The following UNC79 variants were observed in gnomAD, a reference collection of about 807,000 sequenced individuals.
UNC79 encodes protein unc-79 homolog.
In UNC79, 37 loss-of-function variants were observed where a neutral mutation model predicts 283.1. The observed-to-expected ratio is 0.13, with a 90% CI of 0.10 to 0.17. UNC79 has a LOEUF of 0.17. UNC79 is among the 10% of genes least tolerant of loss of function. The pLI, the probability that UNC79 is intolerant of heterozygous loss-of-function variation, is 1.00. For missense variants in UNC79, 2,272 were observed against 3,211.1 expected, an observed-to-expected ratio of 0.71 and a Z score of 7.07; for synonymous variants, 1,107 against 1,200.2, an observed-to-expected ratio of 0.92 and a Z score of 1.61.
At chr14:93,483,856 A>G (rs2058272397) in intron 4 of UNC79, among the ~76,000 whole-genome samples, 1 of 152,182 alleles carries the variant, frequency 6.6e-6, no homozygotes, top group African/African-American at 2.4e-5. Flanking sequence ...ATGTCCCTAC[A>G]AAGGGCATGA....
Position 93,590,780 on chromosome 14 carries a change from T to C in UNC79, c.3033-2900T>C, listed in dbSNP as rs118160875. ...GGAAAGGCGAATGGGACTGGCCGAA[T>C]CTTGGGCTTTGTCATGGAAATGGTT... On this transcript the variant is annotated intron_variant, in intron 22 of 48. Coordinates refer to ENST00000555664, the Ensembl canonical transcript of UNC79. Among the ~76,000 whole-genome samples, 94 of 152,366 alleles carry C rather than the reference T, an allele frequency of 6.2e-4. 1 individual carries two copies. The East Asian group carries it at 0.017, about 27-fold the overall frequency.
intron 47 of UNC79, among the ~76,000 whole-genome samples, chr14:93,698,795 T>G (rs922380172): frequency 6.6e-6 from 1 of 152,038 alleles, no homozygotes; most frequent in Non-Finnish European, 1.5e-5. Flanking sequence ...CTGAAAAAAC[T>G]TGGAGGTGAT....
intron 5 of UNC79, among the ~76,000 whole-genome samples, chr14:93,491,349 C>T (rs1339961154): frequency 1.3e-5 from 2 of 151,608 alleles, no homozygotes; most frequent in Non-Finnish European, 2.9e-5. Context: ...ATCTGTCTGG[C>T]TTAAAATAAT....
chr14:93,703,117 A>C (rs1269138118), intron 47 of UNC79, among the ~76,000 whole-genome samples: 1 of 152,122 alleles, frequency 6.6e-6, no homozygotes, highest in African/African-American at 2.4e-5. Flanking sequence ...GTTTTCTAAG[A>C]GCCTCACATG....
Position 93,652,556 on chromosome 14 carries a change from G to A in UNC79, c.6084-1186G>A, listed in dbSNP as rs542145676. On this transcript the variant is annotated intron_variant, in intron 35 of 48. Transcript: ENST00000555664. Reference sequence around the variant, plus strand: ...ATTACAGGCGATAGTCACTGTGCCTGGCCCAGTCTGAGTTTTTGTCATGAT... The same window carrying A: ...ATTACAGGCGATAGTCACTGTGCCTAGCCCAGTCTGAGTTTTTGTCATGAT... Among the ~76,000 whole-genome samples, 143 of 152,330 alleles carry A rather than the reference G, an allele frequency of 9.4e-4. 1 individual carries two copies. The highest frequency in any genetic ancestry group is 3.3e-3 in the African/African-American group (139 of 41,584).
At chr14:93,657,127 A>G (rs913370321) in intron 38 of UNC79, among the ~76,000 whole-genome samples, 24 of 152,170 alleles carry the variant, frequency 1.6e-4, no homozygotes, top group Non-Finnish European at 2.2e-4. Flanking sequence ...CTTATATTCT[A>G]TGATCCTCGT....
At chr14:93,560,558 A>T (rs1449552294) in intron 14 of UNC79, among the ~76,000 whole-genome samples, 4 of 152,136 alleles carry the variant, frequency 2.6e-5, no homozygotes. Context: ...GTGGAGGCAG[A>T]AAGTCGTAAA....
rs558318768 is a variant in UNC79 at position 93,481,896 on chromosome 14, T to C, written c.619+4168T>C. ...TATTGCCGAGTCATGGGAAATGTTT[T>C]GAAATAGAAATCCAGAAGAGCTGAG... is the stretch of plus-strand genomic sequence containing the variant. On this transcript the variant is annotated intron_variant, in intron 4 of 48. Transcript: ENST00000555664. Among the ~76,000 whole-genome samples, 12 of 152,306 alleles carry C rather than the reference T, an allele frequency of 7.9e-5. No individual in the cohort carries two copies. In the South Asian group the frequency reaches 2.5e-3, roughly 32 times the overall value.
At position 93,403,353 on chromosome 14, in the gene UNC79, T is replaced by A. The variant is rs372278436; in HGVS notation, c.-350-64318T>A. Among the ~76,000 whole-genome samples, 24 of 152,320 alleles carry A rather than the reference T, an allele frequency of 1.6e-4. No individual in the cohort carries two copies. The East Asian group carries it at 4.6e-3, about 29-fold the overall frequency. On this transcript the variant is annotated intron_variant, in intron 1 of 49. Coordinates refer to the UNC79 transcript ENST00000256339. ...CAGCAGGACTGTTTTAGGGTAAAGATCTTTAGGTCCACAAGGAATTTCTCT... is the reference window on the plus strand; with the variant it reads ...CAGCAGGACTGTTTTAGGGTAAAGAACTTTAGGTCCACAAGGAATTTCTCT...
intron 1 of UNC79, among the ~76,000 whole-genome samples, chr14:93,343,904 C>T (rs2053768966): frequency 6.6e-6 from 1 of 152,006 alleles, no homozygotes; most frequent in African/African-American, 2.4e-5. Context: ...GCCCACTAAA[C>T]CCTTTATTGA....
intron 11 of UNC79, among the ~76,000 whole-genome samples, chr14:93,536,737 G>A (rs936065436): frequency 1.3e-5 from 2 of 149,074 alleles, no homozygotes; most frequent in African/African-American, 2.5e-5. Context: ...GGATGCTGAG[G>A]TATGCCCTTA....
At chr14:93,655,930 T>C (rs995695003) in intron 38 of UNC79, among the ~76,000 whole-genome samples, 2 of 152,220 alleles carry the variant, frequency 1.3e-5, no homozygotes, top group Non-Finnish European at 2.9e-5. Context: ...CCAAGGATCA[T>C]TGACAACATG....
At chr14:93,606,745 A>C (rs1158742374) in intron 26 of UNC79, among the ~76,000 whole-genome samples, 1 of 152,188 alleles carries the variant, frequency 6.6e-6, no homozygotes, top group African/African-American at 2.4e-5. Context: ...TAACCTTTAC[A>C]TAATACCCAC....
chr14:93,680,648 T>C (rs1473028667), intron 41 of UNC79, among the ~76,000 whole-genome samples: 31 of 152,182 alleles, frequency 2.0e-4, no homozygotes, highest in Non-Finnish European at 2.9e-5. Context: ...TGGAGTGCAG[T>C]GGTGCCATCT....
In UNC79 at chr14:93,688,549, T is replaced by A; in HGVS notation, c.6910-116T>A. On this transcript the variant is annotated intron_variant, in intron 43 of 48. Coordinates refer to ENST00000555664, the Ensembl canonical transcript of UNC79. The surrounding 1 kb of genome is among the most constrained non-coding windows in gnomAD (Gnocchi z 4.0). ...AGGCTCTGAAGAAGTTTAAGCAGGT[T>A]GTTTGCTCAGAGTGGCGATAAGCGG... is the stretch of plus-strand genomic sequence containing the variant. 1 of 1,169,244 alleles carries A rather than the reference T, an allele frequency of 8.6e-7. No individual in the cohort carries two copies. The highest frequency in any genetic ancestry group is 1.2e-6 in the Non-Finnish European group (1 of 832,786). The allele number at this position is 1,169,244 out of a possible 1,614,324, so 72.4% of individuals were successfully genotyped here.
At chr14:93,584,034 T>G (rs1380461725) in intron 20 of UNC79, among the ~76,000 whole-genome samples, 1 of 152,060 alleles carries the variant, frequency 6.6e-6, no homozygotes, top group African/African-American at 2.4e-5. Context: ...CTCGAACTCC[T>G]AGACTCAAGT....
chr14:93,524,460 C>T (rs1031122975), intron 8 of UNC79, among the ~76,000 whole-genome samples: 1 of 152,156 alleles, frequency 6.6e-6, no homozygotes, highest in African/African-American at 2.4e-5. Flanking sequence ...ATTTTTAGCT[C>T]ATATTACAAA....
At chr14:93,632,472 G>C (rs1359158404) in intron 31 of UNC79, among the ~76,000 whole-genome samples, 1 of 152,212 alleles carries the variant, frequency 6.6e-6, no homozygotes, top group East Asian at 1.9e-4. Flanking sequence ...GCTGAGGCAG[G>C]AGGATCACTT....
At chr14:93,603,542 G>T (rs904664001) in intron 26 of UNC79, 124 bp downstream of exon 26, 1 of 1,201,680 alleles carries the variant, frequency 8.3e-7, no homozygotes, top group East Asian at 2.6e-5. Context: ...CAATAAGTTT[G>T]GCTTTCAGAT....
Sources: allele counts gnomAD v4.1 joint callset (sites outside exome capture counted in the v4.1 genomes callset), GRCh38; gene constraint gnomAD v4.1.1; non-coding constraint Gnocchi (gnomAD v3.1); transcripts MANE v1.5; gene names NCBI Gene and HGNC (gene_info 2026-07-23, HGNC 2026-07-21).